The following VWA5A variants were observed in gnomAD, a reference collection of about 807,000 sequenced individuals.
VWA5A encodes von Willebrand factor A domain containing 5A.
A neutral mutation model predicts 84.6 loss-of-function variants in VWA5A; 77 were observed. The ratio of observed to expected loss-of-function variants is 0.91; its 90% CI spans 0.76 to 1.10. The LOEUF is 1.10. Ranked by LOEUF, VWA5A falls within the 50% of genes least tolerant of loss-of-function variation. VWA5A has a pLI of 0.00. For synonymous variants in VWA5A, 334 were observed against 350.1 expected (o/e 0.95, Z 0.51); for missense variants, 973 against 963.0 (o/e 1.01, Z -0.14).
chr11:124,137,901 G>A (rs1317541949), intron 15 of VWA5A, among the ~76,000 whole-genome samples: 4 of 152,182 alleles, frequency 2.6e-5, no homozygotes, highest in Non-Finnish European at 5.9e-5. Context: ...CTCTGTTGCC[G>A]AGGCTGGAGT....
intron 11 of VWA5A, among the ~76,000 whole-genome samples, chr11:124,126,453 G>C (rs1223845964): frequency 6.6e-6 from 1 of 152,040 alleles, no homozygotes; most frequent in Non-Finnish European, 1.5e-5. Context: ...AACATATAGA[G>C]ATCTTGCAAA....
Position 124,146,220 on chromosome 11 carries a change from C to T in VWA5A, c.*275C>T, listed in dbSNP as rs372700555. 1.6e-3 allele frequency: 466 copies of T among 282,880 alleles called. 1 individual carries two copies. The highest frequency in any genetic ancestry group is 9.1e-3 in the African/African-American group (409 of 44,776). The allele number at this position is 282,880 out of a possible 1,614,324, so 17.5% of individuals were successfully genotyped here. A position where few individuals can be genotyped will look rare whatever the true frequency, so the allele number is the denominator to read the frequency against. On this transcript the variant is annotated 3_prime_UTR_variant, in exon 19 of 19. Coordinates refer to ENST00000456829, the MANE Select transcript of VWA5A (RefSeq NM_001130142.2). ...ACATTCATAGGCAGTAATGTTCCTC[C>T]CAGGGTTTCCAGGGAAACAACATGA... is the stretch of plus-strand genomic sequence containing the variant.
intron 11 of VWA5A, among the ~76,000 whole-genome samples, chr11:124,131,088 A>C (rs1865090305): frequency 6.6e-6 from 1 of 151,858 alleles, no homozygotes; most frequent in South Asian, 2.1e-4. Context: ...ACCCTTATCC[A>C]TCAGGTATAC....
chr11:124,135,793 G>A (rs1298748306), intron 12 of VWA5A, among the ~76,000 whole-genome samples: 2 of 151,804 alleles, frequency 1.3e-5, no homozygotes, highest in Admixed American at 6.6e-5. Context: ...GCCTCCCAAA[G>A]TGCTGGGATT....
chr11:124,141,503 T>C, intron 15 of VWA5A, 95 bp from the exon 16 acceptor site: 1 of 1,492,856 alleles, frequency 6.7e-7, no homozygotes, highest in Non-Finnish European at 9.1e-7. Context: ...CTGAAGCCAG[T>C]GTGGATGGGG....
intron 8 of VWA5A, 53 bp downstream of exon 8, chr11:124,123,182 C>G: frequency 6.3e-7 from 1 of 1,579,018 alleles, no homozygotes; most frequent in Non-Finnish European, 8.6e-7. Context: ...GAGGATGAAT[C>G]TGAGGGGTTA....
intron 7 of VWA5A, among the ~76,000 whole-genome samples, chr11:124,120,571 T>G (rs1233983048): frequency 6.6e-6 from 1 of 152,230 alleles, no homozygotes; most frequent in Non-Finnish European, 1.5e-5. Context: ...ATTGAACTTT[T>G]TAGTTTTCCC....
chr11:124,120,391 C>T (rs1355507310), intron 7 of VWA5A, among the ~76,000 whole-genome samples: 2 of 152,148 alleles, frequency 1.3e-5, no homozygotes, highest in Non-Finnish European at 2.9e-5. Context: ...GTGGAATGGA[C>T]ATGTCCTTGG....
Position 124,147,044 on chromosome 11 carries a change from A to G in VWA5A, c.*1099A>G, listed in dbSNP as rs1382511411. 6.0e-6 allele frequency: 1 copy of G among 166,674 alleles called. No homozygotes were observed. Among genetic ancestry groups the G allele is most frequent in the Non-Finnish European group, 1.5e-5 (1 of 68,118 alleles). 10.3% of individuals were successfully genotyped at this position (166,674 alleles called of 1,614,324 possible). Reference sequence around the variant, plus strand: ...AAATTTGACCTGAAGTTAGTGAAATAAAACTTAGTAGGGAAAAAAAGCTTA... The same window carrying G: ...AAATTTGACCTGAAGTTAGTGAAATGAAACTTAGTAGGGAAAAAAAGCTTA... On this transcript the variant is annotated 3_prime_UTR_variant, in exon 19 of 19. Coordinates refer to ENST00000456829, the MANE Select transcript of VWA5A (RefSeq NM_001130142.2).
chr11:124,123,018 TC>T lies in VWA5A; in HGVS notation c.820del (p.Gln274AsnfsTer23). On this transcript the variant is annotated frameshift_variant, in exon 8 of 19. Transcript: ENST00000456829. LOFTEE classifies it high-confidence loss of function. ...GTTTCTATCCAAATATCCCAGAAGATCAACCATCAAATACCTGTGGAGAGTT... is the reference window on the plus strand; with the variant it reads ...GTTTCTATCCAAATATCCCAGAAGATAACCATCAAATACCTGTGGAGAGTT... ...VSFYPNIPED[Q>X]PSNTCGEFIF... The T allele has an allele frequency of 1.2e-6, 2 of 1,614,208 alleles. No individual in the cohort carries two copies. The highest frequency in any genetic ancestry group is 1.7e-6 in the Non-Finnish European group (2 of 1,180,040).
Position 124,123,712 on chromosome 11 carries a change from A to T in VWA5A, c.1072A>T (p.Lys358Ter). The change falls in exon 10 of 19, where the codon AAG becomes TAG. Residue 358 changes from lysine (K) to a stop codon, truncating the protein, a stop_gained. Transcript: ENST00000456829. LOFTEE classifies it high-confidence loss of function. ...QTMEEALGRV[K>*]LMQADLGGTE... ...AATGGAGGAGGCTCTGGGGAGAGTGAAGCTTATGCAGGCCGACCTAGGGGG... is the reference window on the plus strand; with the variant it reads ...AATGGAGGAGGCTCTGGGGAGAGTGTAGCTTATGCAGGCCGACCTAGGGGG... 6.2e-7 allele frequency: 1 copy of T among 1,613,704 alleles called. No homozygotes were observed. Among genetic ancestry groups the T allele is most frequent in the Non-Finnish European group, 8.5e-7 (1 of 1,179,900 alleles).
rs147125222 is a variant in VWA5A at position 124,124,476 on chromosome 11, AAC to A, written c.1244+162_1244+163del. On this transcript the variant is annotated intron_variant, in intron 11 of 18. Coordinates refer to ENST00000456829, the MANE Select transcript of VWA5A (RefSeq NM_001130142.2). ...TTTATTTCTCCCTGTAAACGTTAAA[AAC>A]AGTTTTCCAAATAACATCAACAACA... 2,862 of 1,372,548 alleles carry A rather than the reference AAC, an allele frequency of 2.1e-3. 58 individuals are homozygous for A. In the African/African-American group the frequency reaches 0.039, roughly 19 times the overall value. 85.0% of individuals were successfully genotyped at this position (1,372,548 alleles called of 1,614,324 possible).
chr11:124,134,199 C>G (rs1222025210), intron 11 of VWA5A, among the ~76,000 whole-genome samples: 1 of 152,206 alleles, frequency 6.6e-6, no homozygotes. Flanking sequence ...CTGAGTCTTA[C>G]AAGCGTAGAG....
chr11:124,136,643 A>T lies in VWA5A; in HGVS notation c.1594A>T (p.Thr532Ser), dbSNP rs570182951. ...GGGCAAGACTTTTGAGGATAAGGTG[A>T]CATTTCCTCTACAACCCAAGCCTGA... ...LQGKTFEDKV[T>S]FPLQPKPDVN... is the part of the protein sequence containing the mutation. Residue 532 changes from threonine (T) to serine (S), a missense_variant, in exon 14 of 19, where the codon ACA becomes TCA. Transcript: ENST00000456829. The T allele has an allele frequency of 6.2e-6, 10 of 1,614,038 alleles. No individual in the cohort carries two copies. The South Asian group carries it at 1.1e-4, about 18-fold the overall frequency.
At position 124,119,141 on chromosome 11, in the gene VWA5A, T is replaced by C. The variant is rs531293372; in HGVS notation, c.760+52T>C. ...TCCCCTAAGGGGCAACTCCCTGTCTTGGAATTACTGTCGAATTACTCTCTT... is the reference window on the plus strand; with the variant it reads ...TCCCCTAAGGGGCAACTCCCTGTCTCGGAATTACTGTCGAATTACTCTCTT... On this transcript the variant is annotated intron_variant, in intron 7 of 18. Coordinates refer to ENST00000456829, the MANE Select transcript of VWA5A (RefSeq NM_001130142.2). The C allele has an allele frequency of 2.8e-5, 41 of 1,480,882 alleles. No individual in the cohort carries two copies. The Admixed American group carries it at 7.4e-4, about 27-fold the overall frequency. 91.7% of individuals were successfully genotyped at this position (1,480,882 alleles called of 1,614,324 possible). A position where few individuals can be genotyped will look rare whatever the true frequency, so the allele number is the denominator to read the frequency against.
chr11:124,134,534 G>T (rs781184294), intron 11 of VWA5A, among the ~76,000 whole-genome samples: 1 of 152,186 alleles, frequency 6.6e-6, no homozygotes, highest in African/African-American at 2.4e-5. Flanking sequence ...ACATCATTAG[G>T]TAGGAACTGG....
chr11:124,143,690 T>A (rs1174271359), intron 17 of VWA5A, among the ~76,000 whole-genome samples: 1 of 152,230 alleles, frequency 6.6e-6, no homozygotes, highest in Non-Finnish European at 1.5e-5. Flanking sequence ...CCAGAAAATT[T>A]AAAATTACAT....
intron 15 of VWA5A, among the ~76,000 whole-genome samples, chr11:124,138,480 T>C (rs919665074): frequency 3.3e-5 from 5 of 152,192 alleles, no homozygotes; most frequent in Non-Finnish European, 7.3e-5. Flanking sequence ...TGATAGCCAT[T>C]CTGACAGGTA....
At chr11:124,123,890 G>T in intron 10 of VWA5A, 86 bp downstream of exon 10, 1 of 1,468,960 alleles carries the variant, frequency 6.8e-7, no homozygotes, top group South Asian at 1.5e-5. Context: ...GCAGTATGTT[G>T]AAATATAGTT....
Sources: gnomAD v4.1 joint callset for allele counts (sites outside exome capture counted in the v4.1 genomes callset) on GRCh38, gnomAD v4.1.1 for gene constraint, MANE v1.5 for transcripts, NCBI Gene and HGNC (gene_info 2026-07-23, HGNC 2026-07-21) for gene names.